The following HYDIN variants were observed in gnomAD, a reference collection of about 807,000 sequenced individuals.
HYDIN encodes axonemal central pair apparatus protein HYDIN.
HYDIN carries 132 observed loss-of-function variants against 403.9 expected under a neutral mutation model. The ratio of observed to expected loss-of-function variants is 0.33; its 90% confidence interval spans 0.28 to 0.38. The LOEUF is 0.38. Ranked by LOEUF, HYDIN falls within the 10% of genes least tolerant of loss-of-function variation. The pLI, the probability that HYDIN is intolerant of heterozygous loss-of-function variation, is 1.00. For missense variants in HYDIN, 2,827 were observed against 5,009.5 expected (o/e 0.56, Z 13.15); for synonymous variants, 1,202 against 1,891.7 (o/e 0.64, Z 9.46).
intron 47 of HYDIN, among the ~76,000 whole-genome samples, chr16:70,917,148 C>A (rs952087491): frequency 1.3e-5 from 2 of 152,182 alleles, no homozygotes; most frequent in Admixed American, 6.5e-5. Context: ...TCTCAAACAT[C>A]TGGGCTCAAG....
chr16:70,820,815 AT>A (rs549389660), intron 83 of HYDIN, among the ~76,000 whole-genome samples: 105 of 151,764 alleles, frequency 6.9e-4, no homozygotes, highest in Non-Finnish European at 1.2e-3. Flanking sequence ...CACCCGTCTA[AT>A]TTTTGTATTT....
chr16:71,203,985 A>G, intron 1 of HYDIN: 1 of 323,714 alleles, frequency 3.1e-6, no homozygotes, highest in Non-Finnish European at 6.1e-6. Flanking sequence ...GGATGGCTTG[A>G]GCCTGAGAAG....
At chr16:70,892,780 A>T (rs1334274765) in intron 55 of HYDIN, among the ~76,000 whole-genome samples, 1 of 152,312 alleles carries the variant, frequency 6.6e-6, no homozygotes, top group East Asian at 1.9e-4. Context: ...ATTGCAGGAG[A>T]TCTCTGTCCA....
At chr16:71,084,544 G>A (rs2082877788) in intron 12 of HYDIN, among the ~76,000 whole-genome samples, 1 of 150,804 alleles carries the variant, frequency 6.6e-6, no homozygotes, top group Non-Finnish European at 1.5e-5. Flanking sequence ...GCATCACCAT[G>A]CCCAGTTAAT....
chr16:70,892,236 G>C, intron 56 of HYDIN, 125 bp downstream of exon 56: 1 of 989,720 alleles, frequency 1.0e-6, no homozygotes, highest in Non-Finnish European at 1.4e-6. Context: ...ATCCTATCTG[G>C]TTGCCACCCA....
chr16:70,991,938 A>T, intron 24 of HYDIN, 132 bp downstream of exon 24: 1 of 1,481,344 alleles, frequency 6.8e-7, no homozygotes, highest in Non-Finnish European at 9.0e-7. Flanking sequence ...GGGCCTACAC[A>T]TAGAAGACAT....
intron 10 of HYDIN, among the ~76,000 whole-genome samples, chr16:71,101,817 T>C (rs1015575873): frequency 6.6e-6 from 1 of 152,148 alleles, no homozygotes; most frequent in Middle Eastern, 3.2e-3. Context: ...ACATCCTGTA[T>C]GTCCTGGAGT....
At chr16:70,869,876 C>T (rs2143647346) in intron 65 of HYDIN, among the ~76,000 whole-genome samples, 1 of 152,090 alleles carries the variant, frequency 6.6e-6, no homozygotes, top group Non-Finnish European at 1.5e-5. Flanking sequence ...CAGGAGAAGA[C>T]AGGAAAATGT....
intron 5 of HYDIN, among the ~76,000 whole-genome samples, chr16:71,169,923 T>G (rs1240699216): frequency 2.0e-5 from 3 of 152,238 alleles, no homozygotes; most frequent in African/African-American, 7.2e-5. Context: ...AACCTCATGT[T>G]GAACACCACA....
intron 1 of HYDIN, among the ~76,000 whole-genome samples, chr16:71,217,992 G>C (rs2088980113): frequency 6.6e-6 from 1 of 152,084 alleles, no homozygotes; most frequent in African/African-American, 2.4e-5. Flanking sequence ...GTGAGACTTT[G>C]GTTTCCCTAG....
intron 18 of HYDIN, among the ~76,000 whole-genome samples, chr16:71,040,484 C>T (rs930306797): frequency 1.9e-4 from 27 of 141,716 alleles, no homozygotes; most frequent in African/African-American, 5.8e-4. Flanking sequence ...CCCCCCTCCC[C>T]GCACCCCCCT....
chr16:70,832,947 C>G lies in HYDIN; in HGVS notation c.13800G>C (p.Lys4600Asn), dbSNP rs751812896. Reference protein sequence around the residue: ...EVTYHPTEVGKESLCKNILCY... With the variant: ...EVTYHPTEVGNESLCKNILCY... ...AGAGAATGTTTTTACAAAGGCTCTCCTTTCCCACCTCGGTGGGATGGTAGG... is the reference window on the plus strand; with the variant it reads ...AGAGAATGTTTTTACAAAGGCTCTCGTTTCCCACCTCGGTGGGATGGTAGG... Residue 4600 changes from lysine to asparagine, a missense_variant, in exon 80 of 86, where the codon AAG (lysine) becomes AAC (asparagine). Coordinates refer to ENST00000393567, the MANE Select transcript of HYDIN (RefSeq NM_001270974.2). 2.5e-5 allele frequency: 40 copies of G among 1,614,048 alleles called. No homozygotes were observed. Among genetic ancestry groups the G allele is most frequent in the Non-Finnish European group, 1.7e-6 (2 of 1,179,986 alleles).
chr16:71,062,396 T>C, intron 16 of HYDIN, 63 bp from the exon 17 acceptor site: 1 of 1,366,360 alleles, frequency 7.3e-7, no homozygotes, highest in Non-Finnish European at 1.0e-6. Context: ...CGTATTTGCT[T>C]ATTTTGAAGT....
intron 73 of HYDIN, among the ~76,000 whole-genome samples, chr16:70,854,477 C>T (rs2038888857): frequency 6.6e-6 from 1 of 151,632 alleles, no homozygotes; most frequent in Non-Finnish European, 1.5e-5. Context: ...TGCAGTGGTG[C>T]GATCTCAGCT....
At chr16:71,106,492 A>C (rs1469333429) in intron 10 of HYDIN, among the ~76,000 whole-genome samples, 2 of 152,104 alleles carry the variant, frequency 1.3e-5, no homozygotes, top group African/African-American at 2.4e-5. Context: ...CCTCCACTGA[A>C]TTCTATGCTT....
chr16:70,921,154 C>T lies in HYDIN; in HGVS notation c.7222G>A (p.Glu2408Lys). The T allele has an allele frequency of 1.3e-6, 2 of 1,504,426 alleles. No homozygotes were observed. The highest frequency in any genetic ancestry group is 1.8e-6 in the Non-Finnish European group (2 of 1,107,952). The allele number at this position is 1,504,426 out of a possible 1,614,324, so 93.2% of individuals were successfully genotyped here. ...ETIERKISVR[E>K]QTMSEKEELN... Reference sequence around the variant, plus strand: ...TCTTCCTTCTCAGACATTGTTTGTTCCCTAACAGATATTTTCCTTTCGATT... The same window carrying T: ...TCTTCCTTCTCAGACATTGTTTGTTTCCTAACAGATATTTTCCTTTCGATT... Residue 2408 changes from glutamate to lysine, a missense_variant, in exon 46 of 86, where the codon GAA (glutamate) becomes AAA (lysine). Coordinates refer to ENST00000393567, the MANE Select transcript of HYDIN (RefSeq NM_001270974.2).
At chr16:70,908,503 G>C (rs145870543) in intron 48 of HYDIN, 69 bp from the exon 49 acceptor site, 1 of 1,405,926 alleles carries the variant, frequency 7.1e-7, no homozygotes, top group Non-Finnish European at 9.6e-7. Context: ...CAGGAGAGCT[G>C]CCTGGAAGTC....
At chr16:70,859,413 GTGGC>G (rs1379624872) in intron 71 of HYDIN, among the ~76,000 whole-genome samples, 1 of 152,226 alleles carries the variant, frequency 6.6e-6, no homozygotes, top group East Asian at 1.9e-4. Flanking sequence ...GAGAAGCCCT[GTGGC>G]CAGTGGCCCT....
intron 23 of HYDIN, among the ~76,000 whole-genome samples, chr16:71,016,469 T>C (rs558205737): frequency 6.7e-6 from 1 of 150,114 alleles, no homozygotes; most frequent in Non-Finnish European, 1.5e-5. Flanking sequence ...AATAAACAAG[T>C]GTTGGTGAGG....
Sources: allele counts gnomAD v4.1 joint callset (sites outside exome capture counted in the v4.1 genomes callset), GRCh38; gene constraint gnomAD v4.1.1; transcripts MANE v1.5; gene names NCBI Gene and HGNC (gene_info 2026-07-23, HGNC 2026-07-21).